The following PMEL variants were observed in gnomAD, a reference collection of about 807,000 sequenced individuals.
The protein encoded by PMEL is premelanosome protein.
In PMEL, 53 loss-of-function variants were observed where a neutral mutation model predicts 64.9. The ratio of observed to expected loss-of-function variants is 0.82; its 90% CI spans 0.66 to 1.03. The LOEUF (loss-of-function observed/expected upper bound fraction) is 1.03, where lower values mean the gene tolerates loss of function less well. Among genes scored for constraint, PMEL ranks in the 50% least tolerant of loss-of-function variants. The pLI is 0.00. For missense variants in PMEL, 716 were observed against 814.9 expected, an observed-to-expected ratio of 0.88 and a Z score of 1.48; for synonymous variants, 299 against 316.2, an observed-to-expected ratio of 0.95 and a Z score of 0.58.
rs768357332 is a variant in PMEL, at chr12:55,956,246, G to A, written c.1355-27C>T. On this transcript the variant is annotated intron_variant, in intron 6 of 10. Coordinates refer to ENST00000548747, the MANE Select transcript of PMEL (RefSeq NM_001384361.1). ...TGGCAGGAGAGGATCAAGGAGGCAA[G>A]ATCAAGAGACAGATGACTCATCTGG... 6 of 1,463,292 alleles carry A rather than the reference G, an allele frequency of 4.1e-6. No individual in the cohort carries two copies. The Admixed American group carries it at 6.8e-5, about 17-fold the overall frequency. 90.6% of individuals were successfully genotyped at this position (1,463,292 alleles called of 1,614,324 possible). A position where few individuals can be genotyped will look rare whatever the true frequency, so the allele number is the denominator to read the frequency against.
intron 3 of PMEL, among the ~76,000 whole-genome samples, chr12:55,959,384 TTAAAA>T: frequency 7.4e-6 from 1 of 135,710 alleles, no homozygotes; most frequent in Non-Finnish European, 1.5e-5. Context: ...GACCCCGACT[TTAAAA>T]TAAATAAATA....
At chr12:55,966,286 C>T (rs920521114), upstream of PMEL, 1 of 529,076 alleles carries the variant, frequency 1.9e-6, no homozygotes, top group African/African-American at 1.9e-5. Context: ...AGCTGCGTAA[C>T]ACATACCAGA....
intron 1 of PMEL, among the ~76,000 whole-genome samples, chr12:55,961,959 C>T (rs1374805423): frequency 2.0e-5 from 3 of 151,524 alleles, no homozygotes; most frequent in Non-Finnish European, 4.4e-5. Context: ...GCCTCAGCCT[C>T]CTGAGTAGCT....
chr12:55,955,360 A>T lies in PMEL; in HGVS notation c.1764T>A (p.Gly588=). The T allele has an allele frequency of 6.2e-7, 1 of 1,614,078 alleles. No individual in the cohort carries two copies. The highest frequency in any genetic ancestry group is 8.5e-7 in the Non-Finnish European group (1 of 1,179,994). ...GAACCTGCCCAAGGCCTGCTTCTTG[A>T]CCTGTGAGAAGAATCCCAGGCACTG... ...AVVSTQLIMP[G]QEAGLGQVPL... is the part of the protein sequence containing the mutation. The change falls in exon 10 of 11, where the codon GGT becomes GGA. Residue 588 remains glycine, a splice_region_variant and synonymous_variant. Coordinates refer to ENST00000548747, the MANE Select transcript of PMEL (RefSeq NM_001384361.1).
At chr12:55,956,263 C>T (rs1041554329) in intron 6 of PMEL, 44 bp from the exon 7 acceptor site, 2 of 1,293,164 alleles carry the variant, frequency 1.5e-6, no homozygotes, top group Non-Finnish European at 2.2e-6. Context: ...AGACAGATGA[C>T]TCATCTGGAG....
At chr12:55,961,550 G>A (rs1322246647) in intron 2 of PMEL, 72 bp downstream of exon 2, 23 of 1,586,858 alleles carry the variant, frequency 1.4e-5, no homozygotes, top group Non-Finnish European at 2.0e-5. Context: ...AGCTACACTC[G>A]ATGCAGTTCA....
chr12:55,964,370 G>A (rs1047531623), intron 1 of PMEL, among the ~76,000 whole-genome samples: 7 of 151,934 alleles, frequency 4.6e-5, no homozygotes, highest in African/African-American at 1.7e-4. Context: ...ATGTTGGTCA[G>A]GCTGGTCTCA....
intron 3 of PMEL, among the ~76,000 whole-genome samples, chr12:55,959,804 C>G (rs1409555137): frequency 6.6e-6 from 1 of 151,786 alleles, no homozygotes; most frequent in East Asian, 1.9e-4. Flanking sequence ...GACTCTGTCT[C>G]AAAAATAAAT....
chr12:55,957,860 C>G (rs1451727928), intron 5 of PMEL, 63 bp downstream of exon 5: 1 of 1,588,842 alleles, frequency 6.3e-7, no homozygotes, highest in East Asian at 2.2e-5. Flanking sequence ...CCTTTCCAGT[C>G]CATCCAAGCC....
chr12:55,961,590 C>A, intron 2 of PMEL, 32 bp downstream of exon 2: 1 of 1,598,578 alleles, frequency 6.3e-7, no homozygotes, highest in Middle Eastern at 1.8e-4. Flanking sequence ...CCACTCCCAC[C>A]ATGCCCTCCC....
chr12:55,965,629 T>A (rs887328968), intron 1 of PMEL, among the ~76,000 whole-genome samples: 64 of 152,134 alleles, frequency 4.2e-4, no homozygotes, highest in African/African-American at 1.5e-3. Flanking sequence ...AGACGTTTCC[T>A]AAAAGAGTCT....
At chr12:55,964,602 G>A (rs569249880) in intron 1 of PMEL, among the ~76,000 whole-genome samples, 53 of 151,852 alleles carry the variant, frequency 3.5e-4, no homozygotes, top group Non-Finnish European at 4.3e-4. Flanking sequence ...CACTACACCC[G>A]GCCTCCTTAT....
upstream of PMEL, chr12:55,966,655 T>A: frequency 9.4e-7 from 1 of 1,063,686 alleles, no homozygotes; most frequent in Non-Finnish European, 1.1e-6. Context: ...GAAACTTGTC[T>A]AGCCCCCAAG....
At chr12:55,960,446 C>T (rs1377931966) in intron 3 of PMEL, among the ~76,000 whole-genome samples, 1 of 151,378 alleles carries the variant, frequency 6.6e-6, no homozygotes, top group Non-Finnish European at 1.5e-5. Context: ...CGTGATCATG[C>T]AGTCTCGACC....
In PMEL at chr12:55,954,341, A is replaced by C; in HGVS notation, c.1859T>G (p.Leu620Arg). The C allele has an allele frequency of 6.2e-7, 1 of 1,614,138 alleles. No individual in the cohort carries two copies. The highest frequency in any genetic ancestry group is 8.5e-7 in the Non-Finnish European group (1 of 1,180,006). ...GGGTACGGAGAAGTCTTGCTTCATA[A>C]GTCTGCGCCTGATATTGGGAGAAGG... Reference protein sequence around the residue: ...VLASLIYRRRLMKQDFSVPQL... With the variant: ...VLASLIYRRRRMKQDFSVPQL... The change falls in exon 11 of 11, where the codon CTT becomes CGT. Residue 620 changes from leucine (L) to arginine (R), a missense_variant. Leu to Arg is a moderately radical substitution (Grantham distance 102). Transcript: ENST00000548747.
intron 10 of PMEL, among the ~76,000 whole-genome samples, chr12:55,954,622 C>T (rs1469594602): frequency 6.6e-6 from 1 of 152,140 alleles, no homozygotes; most frequent in Non-Finnish European, 1.5e-5. Context: ...CAGTTCACCC[C>T]AGGCCAGGCA....
At chr12:55,964,611 A>G (rs112766582) in intron 1 of PMEL, among the ~76,000 whole-genome samples, 5,852 of 151,310 alleles carry the variant, frequency 0.039, 358 homozygotes, top group African/African-American at 0.13. Flanking sequence ...CGGCCTCCTT[A>G]TCTCTTTTCT....
At chr12:55,961,504 C>T (rs961590816) in intron 2 of PMEL, 41 bp from the exon 3 acceptor site, 2 of 1,612,232 alleles carry the variant, frequency 1.2e-6, no homozygotes, top group African/African-American at 1.3e-5. Context: ...CCTGGGCTTC[C>T]CCTCCCTGTA....
At position 55,957,961 on chromosome 12, in the gene PMEL, A is replaced by G; in HGVS notation, c.593T>C (p.Val198Ala). The G allele has an allele frequency of 6.2e-7, 1 of 1,614,252 alleles. No homozygotes were observed. The highest frequency in any genetic ancestry group is 8.5e-7 in the Non-Finnish European group (1 of 1,180,050). ...VYHRRGSRSYVPLAHSSSAFT... is the reference protein window; with the variant it reads ...VYHRRGSRSYAPLAHSSSAFT... ...GGCTGAGCTGGAATGAGCAAGAGGC[A>G]CATAGCTCCGGGATCCCCGGCGATG... The change falls in exon 5 of 11, where the codon GTG (valine) becomes GCG (alanine). Residue 198 changes from valine to alanine, a missense_variant. Transcript: ENST00000548747.
Sources: allele counts gnomAD v4.1 joint callset (sites outside exome capture counted in the v4.1 genomes callset), GRCh38; gene constraint gnomAD v4.1.1; transcripts MANE v1.5; gene names NCBI Gene and HGNC (gene_info 2026-07-23, HGNC 2026-07-21).